LYPD6: variants seen among roughly 807,000 people sequenced by gnomAD.
LYPD6 encodes LY6/PLAUR domain containing 6.
A neutral mutation model predicts 22.7 loss-of-function variants in LYPD6; 15 were observed. The observed-to-expected ratio is 0.66, with a 90% CI of 0.44 to 1.02. LYPD6 has a LOEUF of 1.02. Among genes scored for constraint, LYPD6 ranks in the 50% least tolerant of loss-of-function variants. LYPD6 has a pLI of 0.00. For synonymous variants in LYPD6, 72 were observed against 77.5 expected, an observed-to-expected ratio of 0.93 and a Z score of 0.37; for missense variants, 189 against 208.4, an observed-to-expected ratio of 0.91 and a Z score of 0.57.
chr2:149,387,257 G>A (rs569499272), intron 1 of LYPD6, among the ~76,000 whole-genome samples: 5 of 152,318 alleles, frequency 3.3e-5, no homozygotes, highest in Non-Finnish European at 7.4e-5. Flanking sequence ...TGTATTGAGT[G>A]TGGACAGCAG....
chr2:149,336,951 G>GTGTGTC (rs1559116723), intron 1 of LYPD6, among the ~76,000 whole-genome samples: 65 of 152,136 alleles, frequency 4.3e-4, no homozygotes, highest in African/African-American at 1.6e-3. Context: ...GTGTGTGTGT[G>GTGTGTC]TGTGTGTGTT....
intron 1 of LYPD6, among the ~76,000 whole-genome samples, chr2:149,417,677 A>G (rs1405469243): frequency 6.6e-6 from 1 of 152,208 alleles, no homozygotes; most frequent in Non-Finnish European, 1.5e-5. Flanking sequence ...GGACTATACC[A>G]CTAAAAGAAA....
At chr2:149,477,623 A>T (rs1681464599), downstream of LYPD6, among the ~76,000 whole-genome samples, 1 of 11,676 alleles carries the variant, frequency 8.6e-5, no homozygotes, top group Non-Finnish European at 3.1e-4. Context: ...ACTGTGTCTC[A>T]AAAAAAAAAA....
intron 3 of LYPD6, 85 bp from the exon 4 acceptor site, chr2:149,468,560 T>C: frequency 2.0e-6 from 3 of 1,466,724 alleles, no homozygotes; most frequent in South Asian, 1.3e-5. Context: ...TTTTCTGGAA[T>C]GATAATGCTG....
intron 1 of LYPD6, among the ~76,000 whole-genome samples, chr2:149,400,941 G>A (rs1682541730): frequency 6.6e-6 from 1 of 152,148 alleles, no homozygotes. Flanking sequence ...AGCTTTGGGG[G>A]ATACCATTCT....
In LYPD6 at chr2:149,382,358, G is replaced by C. The variant is rs149410303; in HGVS notation, c.-72+51636G>C. 5.6e-3 allele frequency among the ~76,000 whole-genome samples: 846 copies of C among 152,220 alleles called. 7 individuals carry two copies. Among genetic ancestry groups the C allele is most frequent in the African/African-American group, 0.02 (817 of 41,548 alleles). On this transcript the variant is annotated intron_variant, in intron 1 of 4. Transcript: ENST00000334166. ...AATATTGGGTTAAAATATCTCTCATGTTCCCTTAGAGATGATTAGAATTTT... is the reference window on the plus strand; with the variant it reads ...AATATTGGGTTAAAATATCTCTCATCTTCCCTTAGAGATGATTAGAATTTT...
intron 1 of LYPD6, among the ~76,000 whole-genome samples, chr2:149,404,225 T>C (rs1301335938): frequency 6.6e-6 from 1 of 152,200 alleles, no homozygotes; most frequent in African/African-American, 2.4e-5. Flanking sequence ...GGCTCTTTTT[T>C]GGTTCCATAT....
At chr2:149,450,177 C>T (rs35867079) in intron 3 of LYPD6, among the ~76,000 whole-genome samples, 42,524 of 152,084 alleles carry the variant, frequency 0.28, 7,422 homozygotes, top group African/African-American at 0.5. Flanking sequence ...CCTGTCTAGA[C>T]CAGTGGTTTT....
At chr2:149,422,709 T>G (rs1683106860) in intron 1 of LYPD6, among the ~76,000 whole-genome samples, 1 of 152,130 alleles carries the variant, frequency 6.6e-6, no homozygotes, top group African/African-American at 2.4e-5. Flanking sequence ...AACTTATTCC[T>G]CTTATCTCAC....
chr2:149,473,432 C>G lies in LYPD6; in HGVS notation c.*2582C>G, dbSNP rs1681388705. The G allele has an allele frequency of 6.6e-6, 1 of 152,636 alleles. No homozygotes were observed. The highest frequency in any genetic ancestry group is 1.5e-5 in the Non-Finnish European group (1 of 68,042). 9.5% of individuals were successfully genotyped at this position (152,636 alleles called of 1,614,324 possible). A position where few individuals can be genotyped will look rare whatever the true frequency, so the allele number is the denominator to read the frequency against. On this transcript the variant is annotated 3_prime_UTR_variant, in exon 5 of 5. Coordinates refer to ENST00000334166, the MANE Select transcript of LYPD6 (RefSeq NM_194317.5). ...CTGGTCAGCCACTCTGACTTTTCTA[C>G]CACATTAAATTCTCCATTACATCTC...
chr2:149,334,062 G>C (rs1172571900), intron 1 of LYPD6, among the ~76,000 whole-genome samples: 1 of 152,040 alleles, frequency 6.6e-6, no homozygotes, highest in African/African-American at 2.4e-5. Flanking sequence ...AACAAGTCTT[G>C]TACCCAAGCT....
chr2:149,373,553 T>C (rs1445205041), intron 1 of LYPD6, among the ~76,000 whole-genome samples: 1 of 152,050 alleles, frequency 6.6e-6, no homozygotes, highest in Non-Finnish European at 1.5e-5. Context: ...GACCGAGCTG[T>C]CCTCGTGTCC....
At chr2:149,365,951 T>A (rs1681653574) in intron 1 of LYPD6, among the ~76,000 whole-genome samples, 1 of 152,212 alleles carries the variant, frequency 6.6e-6, no homozygotes. Context: ...TTGAACATTC[T>A]GATAGATCTT....
intron 1 of LYPD6, among the ~76,000 whole-genome samples, chr2:149,364,277 C>G (rs141641850): frequency 6.6e-6 from 1 of 152,260 alleles, no homozygotes; most frequent in East Asian, 1.9e-4. Flanking sequence ...CCTGTCCTGC[C>G]TTAGCCTGCA....
chr2:149,388,033 T>C (rs527914924), intron 1 of LYPD6, among the ~76,000 whole-genome samples: 1 of 152,348 alleles, frequency 6.6e-6, no homozygotes, highest in Admixed American at 6.5e-5. Context: ...TGACCCTCAG[T>C]TCTAAATGAC....
intron 1 of LYPD6, among the ~76,000 whole-genome samples, chr2:149,349,609 T>C (rs966031808): frequency 2.6e-5 from 4 of 152,330 alleles, no homozygotes; most frequent in African/African-American, 9.6e-5. Context: ...GATATGCAAA[T>C]GATAAAGAGA....
chr2:149,480,808 G>A, the LYPD6 span, among the ~76,000 whole-genome samples: 2 of 152,168 alleles, frequency 1.3e-5, no homozygotes, highest in African/African-American at 4.8e-5. Flanking sequence ...CCTCACCCAA[G>A]GCCATGCCCC....
intron 1 of LYPD6, among the ~76,000 whole-genome samples, chr2:149,415,631 AAAG>A (rs1682945519): frequency 6.6e-6 from 1 of 151,958 alleles, no homozygotes; most frequent in Non-Finnish European, 1.5e-5. Context: ...GGAAGGAAAG[AAAG>A]AAGGAAGGGC....
At chr2:149,332,902 A>G (rs1221450209) in intron 1 of LYPD6, among the ~76,000 whole-genome samples, 1 of 152,190 alleles carries the variant, frequency 6.6e-6, no homozygotes, top group African/African-American at 2.4e-5. Flanking sequence ...TTTGCTAATG[A>G]GTTGTTAAAG....
Sources: gnomAD v4.1 joint callset for allele counts (sites outside exome capture counted in the v4.1 genomes callset) on GRCh38, gnomAD v4.1.1 for gene constraint, MANE v1.5 for transcripts, NCBI Gene and HGNC (gene_info 2026-07-23, HGNC 2026-07-21) for gene names.